Variants in CUL5 observed in about 807,000 individuals in gnomAD.
CUL5 encodes the protein cullin 5, also known as cullin-5.
A neutral mutation model predicts 108.8 loss-of-function variants in CUL5; 26 were observed. That is an observed-to-expected ratio of 0.24 (90% confidence interval 0.18 to 0.33). CUL5 has a LOEUF of 0.33. Ranked by LOEUF, CUL5 falls within the 10% of genes least tolerant of loss-of-function variation. The pLI, the probability that CUL5 is intolerant of heterozygous loss-of-function variation, is 1.00. For missense variants in CUL5, 524 were observed against 909.2 expected (o/e 0.58, Z 5.45); for synonymous variants, 334 against 298.0 (o/e 1.12, Z -1.25).
At chr11:108,097,454 C>T (rs1387238056) in intron 16 of CUL5, among the ~76,000 whole-genome samples, 182 bp from the exon 17 acceptor site, 1 of 152,134 alleles carries the variant, frequency 6.6e-6, no homozygotes, top group East Asian at 1.9e-4. Flanking sequence ...TTCTCATAAC[C>T]AACTCTTTTC....
chr11:108,062,092 C>T (rs1004963043), intron 7 of CUL5, among the ~76,000 whole-genome samples: 2 of 152,166 alleles, frequency 1.3e-5, no homozygotes, highest in Non-Finnish European at 2.9e-5. Flanking sequence ...CAAAGCATAT[C>T]ACAATCTATA....
At chr11:108,073,071 G>A (rs1442279367) in intron 9 of CUL5, among the ~76,000 whole-genome samples, 3 of 151,696 alleles carry the variant, frequency 2.0e-5, no homozygotes, top group African/African-American at 4.8e-5. Context: ...GCGGGGTGGC[G>A]GGCGCCTATA....
At chr11:108,058,373 C>T (rs529360284) in intron 7 of CUL5, among the ~76,000 whole-genome samples, 3 of 149,876 alleles carry the variant, frequency 2.0e-5, no homozygotes, top group South Asian at 2.1e-4. Context: ...CTCAGCCTCC[C>T]GAGTAGCTGG....
intron 2 of CUL5, among the ~76,000 whole-genome samples, chr11:108,042,092 A>T (rs1862933666): frequency 6.6e-6 from 1 of 152,184 alleles, no homozygotes; most frequent in Admixed American, 6.6e-5. Flanking sequence ...ATTGAATATA[A>T]GGGATAAAAG....
intron 7 of CUL5, among the ~76,000 whole-genome samples, chr11:108,068,057 T>C (rs1327067477): frequency 6.6e-6 from 1 of 151,872 alleles, no homozygotes; most frequent in Non-Finnish European, 1.5e-5. Flanking sequence ...GCCTCCCGAG[T>C]AGCTGGGATT....
At chr11:108,012,651 A>G (rs945151272) in intron 1 of CUL5, among the ~76,000 whole-genome samples, 2 of 151,062 alleles carry the variant, frequency 1.3e-5, no homozygotes, top group South Asian at 2.1e-4. Flanking sequence ...GCTGGAGTGC[A>G]GTGGTGTGGA....
intron 1 of CUL5, among the ~76,000 whole-genome samples, chr11:108,027,562 G>A (rs1275821737): frequency 4.0e-5 from 6 of 151,856 alleles, no homozygotes; most frequent in Non-Finnish European, 8.8e-5. Flanking sequence ...GTGAGCCACC[G>A]TGCCCAGCCA....
At chr11:108,011,436 T>C (rs1862054704) in intron 1 of CUL5, among the ~76,000 whole-genome samples, 1 of 152,190 alleles carries the variant, frequency 6.6e-6, no homozygotes, top group African/African-American at 2.4e-5. Flanking sequence ...AACGGGGTAC[T>C]TAGGGTTTAG....
chr11:108,033,778 C>A (rs377753698), intron 1 of CUL5, 24 bp from the exon 2 acceptor site: 1 of 1,410,008 alleles, frequency 7.1e-7, no homozygotes, highest in Non-Finnish European at 9.9e-7. Flanking sequence ...AATTAAACTC[C>A]CTTTTATCTT....
At chr11:108,061,140 A>G (rs752111667) in intron 7 of CUL5, among the ~76,000 whole-genome samples, 1 of 152,230 alleles carries the variant, frequency 6.6e-6, no homozygotes, top group Non-Finnish European at 1.5e-5. Context: ...TCTTCACGGA[A>G]TCTAGCAAAA....
At chr11:108,089,683 T>C in intron 13 of CUL5, 60 bp downstream of exon 13, 1 of 902,240 alleles carries the variant, frequency 1.1e-6, no homozygotes, top group Admixed American at 3.2e-5. Flanking sequence ...ATATGTGTGC[T>C]TAAGTAATAC....
At chr11:108,084,064 G>A (rs893284586) in intron 11 of CUL5, among the ~76,000 whole-genome samples, 1 of 152,138 alleles carries the variant, frequency 6.6e-6, no homozygotes, top group African/African-American at 2.4e-5. Context: ...CCTTCTTCCA[G>A]TGTGGCCCAG....
intron 7 of CUL5, among the ~76,000 whole-genome samples, chr11:108,069,338 G>C (rs558395866): frequency 6.6e-6 from 1 of 152,188 alleles, no homozygotes; most frequent in Non-Finnish European, 1.5e-5. Context: ...CCAAATCATA[G>C]ATTTTCATTC....
At chr11:108,024,118 G>T (rs988565544) in intron 1 of CUL5, among the ~76,000 whole-genome samples, 3 of 152,204 alleles carry the variant, frequency 2.0e-5, no homozygotes, top group Non-Finnish European at 4.4e-5. Context: ...CCTTATCCAG[G>T]AAAGGACCAG....
chr11:108,084,107 A>C (rs1254432179), intron 11 of CUL5, among the ~76,000 whole-genome samples: 1 of 152,216 alleles, frequency 6.6e-6, no homozygotes, highest in Non-Finnish European at 1.5e-5. Context: ...CCTGCTTTAG[A>C]AGAATAAACT....
intron 10 of CUL5, among the ~76,000 whole-genome samples, chr11:108,076,312 G>C (rs1020023281): frequency 6.6e-6 from 1 of 152,272 alleles, no homozygotes; most frequent in East Asian, 1.9e-4. Context: ...GGGATTACAG[G>C]CATGAGCCAC....
chr11:108,056,467 G>C (rs948187923), intron 7 of CUL5, among the ~76,000 whole-genome samples: 2 of 152,028 alleles, frequency 1.3e-5, no homozygotes, highest in Non-Finnish European at 2.9e-5. Flanking sequence ...TTTAGTTTTT[G>C]TTTTGCTTGT....
intron 8 of CUL5, among the ~76,000 whole-genome samples, chr11:108,070,624 A>ATT (rs34514310): frequency 1.3e-4 from 19 of 151,946 alleles, no homozygotes; most frequent in African/African-American, 2.4e-4. Context: ...TTTCTAAAGG[A>ATT]TTTTTTTATT....
intron 17 of CUL5, among the ~76,000 whole-genome samples, 153 bp downstream of exon 17, chr11:108,097,907 T>G (rs1864539161): frequency 6.6e-6 from 1 of 150,936 alleles, no homozygotes; most frequent in Non-Finnish European, 1.5e-5. Flanking sequence ...ATGGAAAATA[T>G]TAATCAGATG....
Sources: gnomAD v4.1 joint callset for allele counts (sites outside exome capture counted in the v4.1 genomes callset) on GRCh38, gnomAD v4.1.1 for gene constraint, MANE v1.5 for transcripts, NCBI Gene and HGNC (gene_info 2026-07-23, HGNC 2026-07-21) for gene names.